The following ADARB2 variants were observed in gnomAD, a reference collection of about 807,000 sequenced individuals.
ADARB2 encodes the protein adenosine deaminase RNA specific B2 (inactive), also known as inactive double-stranded RNA-specific editase B2.
Under a neutral mutation model 62.2 loss-of-function variants are expected in ADARB2, and 25 were observed. The ratio of observed to expected loss-of-function variants is 0.40; its 90% confidence interval spans 0.29 to 0.56. The LOEUF is 0.56. Ranked by LOEUF, ADARB2 falls within the 20% of genes least tolerant of loss-of-function variation. ADARB2 has a pLI of 0.43. For missense variants in ADARB2, 1,071 were observed against 1,077.4 expected (o/e 0.99, Z 0.08); for synonymous variants, 572 against 500.8 (o/e 1.14, Z -1.90).
rs1833357022 is a variant in ADARB2, at chr10:1,598,133, G to A, written c.100+138918C>T. 2.6e-5 allele frequency among the ~76,000 whole-genome samples: 4 copies of A among 152,250 alleles called. No homozygotes were observed. The South Asian group carries it at 8.3e-4, about 31-fold the overall frequency. ...GAGGCTCCACAAGGCAGAGGGCAGA[G>A]GTGGGGGCATGAGCTGAAATGTCAC... is the stretch of plus-strand genomic sequence containing the variant. On this transcript the variant is annotated intron_variant, in intron 1 of 9. Coordinates refer to ENST00000381312, the MANE Select transcript of ADARB2 (RefSeq NM_018702.4).
chr10:1,557,822 G>A (rs1447844645), intron 1 of ADARB2, among the ~76,000 whole-genome samples: 2 of 152,220 alleles, frequency 1.3e-5, no homozygotes, highest in Non-Finnish European at 2.9e-5. Context: ...TGAGACATGA[G>A]AATCGTTTGA....
intron 3 of ADARB2, among the ~76,000 whole-genome samples, chr10:1,282,411 G>T (rs555467960): frequency 6.6e-6 from 1 of 152,234 alleles, no homozygotes; most frequent in Non-Finnish European, 1.5e-5. Flanking sequence ...TTAAGTGATT[G>T]GTTTTTAATT....
chr10:1,702,033 G>T (rs972729065), intron 1 of ADARB2, among the ~76,000 whole-genome samples: 14 of 152,392 alleles, frequency 9.2e-5, no homozygotes, highest in Admixed American at 6.5e-4. Context: ...AAGTGGGAGA[G>T]AGAGTCATGC....
chr10:1,668,565 G>A (rs752331150), intron 1 of ADARB2, among the ~76,000 whole-genome samples: 3 of 152,146 alleles, frequency 2.0e-5, no homozygotes, highest in Non-Finnish European at 2.9e-5. Context: ...TGGAGGTCAG[G>A]AAAAGTGGTG....
intron 1 of ADARB2, among the ~76,000 whole-genome samples, chr10:1,702,593 A>T (rs1834836014): frequency 6.6e-6 from 1 of 152,204 alleles, no homozygotes; most frequent in Non-Finnish European, 1.5e-5. Flanking sequence ...GCTAATCCAC[A>T]AAAGTCACCC....
chr10:1,245,859 G>T (rs1340005501), intron 4 of ADARB2, among the ~76,000 whole-genome samples: 2 of 151,600 alleles, frequency 1.3e-5, no homozygotes, highest in African/African-American at 4.8e-5. Flanking sequence ...ACCCAGTAAT[G>T]GGATGGCTGG....
intron 1 of ADARB2, among the ~76,000 whole-genome samples, chr10:1,721,874 C>T (rs868579023): frequency 6.6e-5 from 10 of 152,088 alleles, no homozygotes; most frequent in Middle Eastern, 3.2e-3. Flanking sequence ...CCATCTGCCC[C>T]CTTGTCGAAG....
intron 1 of ADARB2, chr10:1,675,861 GC>G: frequency 1.3e-6 from 1 of 742,774 alleles, no homozygotes; most frequent in Non-Finnish European, 1.6e-6. Context: ...CTGCAGGAGG[GC>G]AGAGGCCAGC....
intron 4 of ADARB2, among the ~76,000 whole-genome samples, chr10:1,247,170 C>T (rs1261977311): frequency 6.6e-6 from 1 of 152,280 alleles, no homozygotes; most frequent in East Asian, 1.9e-4. Flanking sequence ...GATTTTTGTA[C>T]ATTGATTTTG....
intron 3 of ADARB2, among the ~76,000 whole-genome samples, chr10:1,293,177 G>A (rs1287740564): frequency 4.0e-5 from 2 of 49,550 alleles, no homozygotes; most frequent in Admixed American, 1.7e-4. Context: ...GGGGGAGAGG[G>A]GGAGAGAAAG....
At chr10:1,483,131 C>T (rs1022560419) in intron 1 of ADARB2, among the ~76,000 whole-genome samples, 11 of 152,128 alleles carry the variant, frequency 7.2e-5, no homozygotes, top group African/African-American at 2.7e-4. Flanking sequence ...GAGCTTTGAA[C>T]CTATGGTAAA....
At chr10:1,278,433 A>C (rs67366402) in intron 3 of ADARB2, among the ~76,000 whole-genome samples, 52,211 of 147,908 alleles carry the variant, frequency 0.35, 9,386 homozygotes, top group South Asian at 0.51. Flanking sequence ...CTCCCTCCCC[A>C]CCAGTATTCC....
chr10:1,210,981 G>A (rs2131749058), intron 7 of ADARB2, among the ~76,000 whole-genome samples: 1 of 152,300 alleles, frequency 6.6e-6, no homozygotes, highest in East Asian at 1.9e-4. Flanking sequence ...CCTGTGCCAG[G>A]GAGGCTCTGG....
At chr10:1,446,166 T>C (rs1830966450) in intron 1 of ADARB2, among the ~76,000 whole-genome samples, 1 of 152,238 alleles carries the variant, frequency 6.6e-6, no homozygotes, top group African/African-American at 2.4e-5. Context: ...TCTTCCACTT[T>C]CTGGACAAAA....
intron 1 of ADARB2, among the ~76,000 whole-genome samples, chr10:1,554,459 C>A (rs566557623): frequency 1.3e-5 from 2 of 152,284 alleles, no homozygotes; most frequent in East Asian, 3.9e-4. Context: ...TAAAAACACA[C>A]CAAGAACCTC....
At chr10:1,235,027 G>C (rs1474377792) in intron 5 of ADARB2, among the ~76,000 whole-genome samples, 1 of 152,096 alleles carries the variant, frequency 6.6e-6, no homozygotes, top group Non-Finnish European at 1.5e-5. Context: ...GATTACAGGC[G>C]AGAGCCACCA....
intron 1 of ADARB2, among the ~76,000 whole-genome samples, chr10:1,558,817 C>T (rs546734254): frequency 2.7e-5 from 4 of 146,506 alleles, no homozygotes; most frequent in East Asian, 3.9e-4. Flanking sequence ...CCCACCTCTG[C>T]GCCCCTCCAT....
intron 1 of ADARB2, among the ~76,000 whole-genome samples, chr10:1,480,315 G>T (rs1831450343): frequency 6.6e-6 from 1 of 152,202 alleles, no homozygotes; most frequent in Admixed American, 6.5e-5. Context: ...ACTAATAAAT[G>T]AATTCAACAA....
At chr10:1,536,456 C>G (rs902182993) in intron 1 of ADARB2, among the ~76,000 whole-genome samples, 41 of 152,334 alleles carry the variant, frequency 2.7e-4, no homozygotes, top group Middle Eastern at 3.4e-3. Flanking sequence ...CCTCCCAGCA[C>G]AGTGTCACCC....
Sources: gnomAD v4.1 joint callset for allele counts (sites outside exome capture counted in the v4.1 genomes callset) on GRCh38, gnomAD v4.1.1 for gene constraint, MANE v1.5 for transcripts, NCBI Gene and HGNC (gene_info 2026-07-23, HGNC 2026-07-21) for gene names.